Variants in ANKIB1 observed in about 807,000 individuals in gnomAD.
The protein encoded by ANKIB1 is ankyrin repeat and IBR domain-containing protein 1.
In ANKIB1, 43 loss-of-function variants were observed where a neutral mutation model predicts 122.1. That is an observed-to-expected ratio of 0.35 (90% CI 0.28 to 0.45). ANKIB1 has a LOEUF of 0.45. Among genes scored for constraint, ANKIB1 ranks in the 20% least tolerant of loss-of-function variants. ANKIB1 has a pLI of 1.00. For synonymous variants in ANKIB1, 390 were observed against 442.0 expected, an observed-to-expected ratio of 0.88 and a Z score of 1.48; for missense variants, 992 against 1,329.5, an observed-to-expected ratio of 0.75 and a Z score of 3.95.
At chr7:92,392,830 T>C (rs1804814125) in intron 17 of ANKIB1, among the ~76,000 whole-genome samples, 1 of 152,078 alleles carries the variant, frequency 6.6e-6, no homozygotes, top group Non-Finnish European at 1.5e-5. Context: ...ATTATTAATA[T>C]ACCGTTTTGA....
At chr7:92,255,886 T>C (rs563421336) in intron 1 of ANKIB1, among the ~76,000 whole-genome samples, 2 of 152,208 alleles carry the variant, frequency 1.3e-5, no homozygotes, top group Non-Finnish European at 2.9e-5. Context: ...TTATTCAAGG[T>C]GTTCTGTGTG....
At position 92,260,833 on chromosome 7, in the gene ANKIB1, G is replaced by A. The variant is rs185410013; in HGVS notation, c.-91+14314G>A. 1.3e-3 allele frequency among the ~76,000 whole-genome samples: 191 copies of A among 152,196 alleles called. 1 individual carries two copies. The highest frequency in any genetic ancestry group is 4.3e-3 in the African/African-American group (177 of 41,514). On this transcript the variant is annotated intron_variant, in intron 1 of 19. Coordinates refer to ENST00000265742, the MANE Select transcript of ANKIB1 (RefSeq NM_019004.2). ...TTTTGTTCCTGCTGCATTCCCCTTC[G>A]CCTACAATAATGCCTAGCACATGAT...
At chr7:92,269,488 A>G (rs1368711257) in intron 1 of ANKIB1, among the ~76,000 whole-genome samples, 2 of 152,246 alleles carry the variant, frequency 1.3e-5, no homozygotes, top group African/African-American at 2.4e-5. Context: ...CTGATTACTC[A>G]GTAACAGCAT....
At chr7:92,384,124 TC>T (rs1804581111) in intron 11 of ANKIB1, among the ~76,000 whole-genome samples, 1 of 152,082 alleles carries the variant, frequency 6.6e-6, no homozygotes, top group Non-Finnish European at 1.5e-5. Flanking sequence ...ATGAGTGAAC[TC>T]CCATTCACAA....
chr7:92,310,814 A>G (rs1238158557), intron 3 of ANKIB1, among the ~76,000 whole-genome samples: 2 of 152,198 alleles, frequency 1.3e-5, no homozygotes, highest in Non-Finnish European at 2.9e-5. Flanking sequence ...AACCATCCAT[A>G]TTTGTTTTCC....
chr7:92,393,249 T>C (rs1385644816), intron 17 of ANKIB1, among the ~76,000 whole-genome samples: 3 of 152,068 alleles, frequency 2.0e-5, no homozygotes, highest in Non-Finnish European at 4.4e-5. Context: ...GTGGCTTTTG[T>C]ATTGGTAGAT....
intron 1 of ANKIB1, among the ~76,000 whole-genome samples, chr7:92,262,163 G>A (rs1801578775): frequency 6.6e-6 from 1 of 152,198 alleles, no homozygotes; most frequent in South Asian, 2.1e-4. Context: ...GTAGACATGG[G>A]AGCTCTTAAC....
At chr7:92,389,871 CCTT>C in intron 14 of ANKIB1, 97 bp from the exon 15 acceptor site, 3 of 1,259,592 alleles carry the variant, frequency 2.4e-6, no homozygotes, top group Non-Finnish European at 3.3e-6. Flanking sequence ...TCCTAATGAT[CCTT>C]CTTTTTCCTT....
At chr7:92,353,154 A>C (rs1018264763) in intron 9 of ANKIB1, among the ~76,000 whole-genome samples, 1 of 152,186 alleles carries the variant, frequency 6.6e-6, no homozygotes, top group Non-Finnish European at 1.5e-5. Flanking sequence ...GGGCCCTAAC[A>C]AGTAAGATTT....
At chr7:92,343,290 A>G (rs1392050511) in intron 6 of ANKIB1, 58 bp downstream of exon 6, 1 of 1,437,308 alleles carries the variant, frequency 7.0e-7, no homozygotes, top group Non-Finnish European at 9.6e-7. Flanking sequence ...TTTAACATTC[A>G]AATGATTTAA....
chr7:92,390,126 T>G lies in ANKIB1; in HGVS notation c.2052+10T>G. 1 of 1,545,856 alleles carries G rather than the reference T, an allele frequency of 6.5e-7. No individual in the cohort carries two copies. On this transcript the variant is annotated intron_variant, in intron 15 of 19. Coordinates refer to ENST00000265742, the MANE Select transcript of ANKIB1 (RefSeq NM_019004.2). The stretch of plus-strand genomic sequence containing the variant: ...TTTTGAACTAATGCAAGTAAGATTT[T>G]TTTAATTACATTTAAATGGCAGCAG...
At chr7:92,381,250 CA>C (rs1301241389) in intron 11 of ANKIB1, among the ~76,000 whole-genome samples, 1 of 151,974 alleles carries the variant, frequency 6.6e-6, no homozygotes, top group Non-Finnish European at 1.5e-5. Flanking sequence ...GTGAAAACAC[CA>C]AATATACGTA....
chr7:92,270,893 G>T (rs1801775134), intron 1 of ANKIB1, among the ~76,000 whole-genome samples: 1 of 151,816 alleles, frequency 6.6e-6, no homozygotes, highest in Non-Finnish European at 1.5e-5. Flanking sequence ...TTTTCTCCCA[G>T]TCTGTAGTTT....
At position 92,309,942 on chromosome 7, in the gene ANKIB1, AATATAT is replaced by A. The variant is rs1162113763; in HGVS notation, c.486+2302_486+2307del. Among the ~76,000 whole-genome samples the A allele has an allele frequency of 3.7e-4, 34 of 91,788 alleles. 3 individuals carry two copies. The highest frequency in any genetic ancestry group is 4.1e-4 in the Non-Finnish European group (20 of 49,214). The allele number at this position is 91,788 out of a possible 152,430, so 60.2% of individuals were successfully genotyped here. On this transcript the variant is annotated intron_variant, in intron 3 of 19. Transcript: ENST00000265742. ...TCCATCTAAAAAAAAAAAAAAAAAA[AATATAT>A]ATATATATATATATAAATTAAATGC...
chr7:92,312,669 G>A lies in ANKIB1; in HGVS notation c.486+5013G>A, dbSNP rs574006750. Among the ~76,000 whole-genome samples the A allele has an allele frequency of 3.3e-5, 5 of 152,280 alleles. 1 individual carries two copies. Among genetic ancestry groups the A allele is most frequent in the African/African-American group, 1.2e-4 (5 of 41,578 alleles). Reference sequence around the variant, plus strand: ...CTTGTGGGCTATACAGAAACAGGCAGCAGGTTTGATTTGGCCTAAGATGAC... The same window carrying A: ...CTTGTGGGCTATACAGAAACAGGCAACAGGTTTGATTTGGCCTAAGATGAC... On this transcript the variant is annotated intron_variant, in intron 3 of 19. Transcript: ENST00000265742.
At chr7:92,310,333 C>A (rs1245793387) in intron 3 of ANKIB1, among the ~76,000 whole-genome samples, 2 of 151,906 alleles carry the variant, frequency 1.3e-5, no homozygotes, top group Non-Finnish European at 2.9e-5. Context: ...TAAAAGGAGC[C>A]CTATAAATAC....
In ANKIB1 at chr7:92,390,035, G is replaced by T. The variant is rs1380856170; in HGVS notation, c.1971G>T (p.Arg657=). Residue 657 remains arginine, a synonymous_variant, in exon 15 of 20, where the codon CGG becomes CGT. Coordinates refer to ENST00000265742, the MANE Select transcript of ANKIB1 (RefSeq NM_019004.2). The part of the protein sequence containing the change: ...EDAVHVLLKT[R]RILKCSYPYG... ...CAGTTCATGTGCTCTTAAAAACTCG[G>T]CGCATTCTCAAGTGTTCTTATCCAT... The T allele has an allele frequency of 1.2e-6, 2 of 1,606,916 alleles. No homozygotes were observed. Among genetic ancestry groups the T allele is most frequent in the South Asian group, 1.1e-5 (1 of 88,908 alleles).
At chr7:92,309,942 A>AAAAAAAAAAAAAAATATATATATATATAT (rs1335765681) in intron 3 of ANKIB1, among the ~76,000 whole-genome samples, 2 of 91,812 alleles carry the variant, frequency 2.2e-5, no homozygotes, top group Non-Finnish European at 4.1e-5. Context: ...AAAAAAAAAA[A>AAAAAAAAAAAAAAATATATATATATATAT]ATATATATAT....
At position 92,386,634 on chromosome 7, in the gene ANKIB1, G is replaced by T; in HGVS notation, c.1743G>T (p.Met581Ile). 6.2e-7 allele frequency: 1 copy of T among 1,600,276 alleles called. No homozygotes were observed. Among genetic ancestry groups the T allele is most frequent in the South Asian group, 1.1e-5 (1 of 87,772 alleles). ...ACGTGGAGGAGCAATCCAAGGAAAT[G>T]ACTGTGGAGGTAAAGAGAACCAATT... ...IQHVEEQSKEMTVEAEKKHKR... is the reference protein window; with the variant it reads ...IQHVEEQSKEITVEAEKKHKR... The change falls in exon 12 of 20, where the codon ATG (methionine) becomes ATT (isoleucine). Residue 581 changes from methionine to isoleucine, a missense_variant. By Grantham distance (10) the Met-to-Ile change is conservative. Transcript: ENST00000265742.
Sources: gnomAD v4.1 joint callset for allele counts (sites outside exome capture counted in the v4.1 genomes callset) on GRCh38, gnomAD v4.1.1 for gene constraint, MANE v1.5 for transcripts, NCBI Gene and HGNC (gene_info 2026-07-23, HGNC 2026-07-21) for gene names.